CAMKMT: variants seen among roughly 807,000 people sequenced by gnomAD.
CAMKMT encodes the protein calmodulin-lysine N-methyltransferase.
In CAMKMT, 53 loss-of-function variants were observed where a neutral mutation model predicts 48.0. The ratio of observed to expected loss-of-function variants is 1.10; its 90% CI spans 0.89 to 1.39. CAMKMT has a LOEUF of 1.39. Ranked by LOEUF, CAMKMT falls within the 40% of genes most tolerant of loss-of-function variation. CAMKMT has a pLI of 0.00. For synonymous variants in CAMKMT, 165 were observed against 152.3 expected (o/e 1.08, Z -0.61); for missense variants, 428 against 402.7 (o/e 1.06, Z -0.54).
chr2:44,585,533 A>C (rs184613863), intron 3 of CAMKMT, among the ~76,000 whole-genome samples: 2 of 152,318 alleles, frequency 1.3e-5, no homozygotes, highest in East Asian at 3.9e-4. Flanking sequence ...ACATATCCAA[A>C]TGCTGGAGTT....
intron 7 of CAMKMT, among the ~76,000 whole-genome samples, chr2:44,742,576 A>G (rs996459984): frequency 6.6e-6 from 1 of 152,202 alleles, no homozygotes; most frequent in African/African-American, 2.4e-5. Context: ...GGACAAGTCA[A>G]TGAACAACTG....
At chr2:44,636,042 T>G (rs1001096482) in intron 3 of CAMKMT, among the ~76,000 whole-genome samples, 1 of 152,248 alleles carries the variant, frequency 6.6e-6, no homozygotes, top group Non-Finnish European at 1.5e-5. Flanking sequence ...AGAAGTTGAT[T>G]TGTATAAGGC....
intron 7 of CAMKMT, among the ~76,000 whole-genome samples, chr2:44,734,464 G>A (rs1284208662): frequency 6.6e-6 from 1 of 151,736 alleles, no homozygotes; most frequent in Non-Finnish European, 1.5e-5. Context: ...GCCCAGGCTG[G>A]AGTGCAATGG....
intron 3 of CAMKMT, among the ~76,000 whole-genome samples, chr2:44,580,524 G>A (rs1435694917): frequency 6.6e-6 from 1 of 152,116 alleles, no homozygotes; most frequent in Non-Finnish European, 1.5e-5. Flanking sequence ...CATGACTTTT[G>A]TAAGATGTGA....
intron 8 of CAMKMT, among the ~76,000 whole-genome samples, chr2:44,744,366 C>T (rs940171390): frequency 6.6e-6 from 1 of 152,136 alleles, no homozygotes; most frequent in East Asian, 1.9e-4. Flanking sequence ...TTAGCCCAAT[C>T]TACTTATTTG....
At chr2:44,583,005 C>T (rs982593981) in intron 3 of CAMKMT, among the ~76,000 whole-genome samples, 4 of 151,960 alleles carry the variant, frequency 2.6e-5, no homozygotes, top group African/African-American at 9.7e-5. Context: ...TTTGGAAATT[C>T]GAATTGTTCT....
intron 9 of CAMKMT, among the ~76,000 whole-genome samples, chr2:44,758,592 A>G (rs1176562292): frequency 6.6e-6 from 1 of 152,230 alleles, no homozygotes; most frequent in Non-Finnish European, 1.5e-5. Flanking sequence ...AAACAATAGA[A>G]TAGGCATGAA....
At chr2:44,713,090 C>T (rs1423439704) in intron 6 of CAMKMT, among the ~76,000 whole-genome samples, 1 of 152,052 alleles carries the variant, frequency 6.6e-6, no homozygotes, top group Non-Finnish European at 1.5e-5. Flanking sequence ...AAAATTGCTT[C>T]TAGAATATAA....
chr2:44,766,170 A>G (rs1351620563), intron 9 of CAMKMT, among the ~76,000 whole-genome samples: 4 of 152,210 alleles, frequency 2.6e-5, no homozygotes, highest in African/African-American at 9.6e-5. Flanking sequence ...CCGGCTTTCA[A>G]CCACATTTTG....
chr2:44,407,790 G>A (rs1682884706), intron 3 of CAMKMT, among the ~76,000 whole-genome samples: 1 of 152,114 alleles, frequency 6.6e-6, no homozygotes, highest in South Asian at 2.1e-4. Flanking sequence ...GCAATTTGAT[G>A]TGAAAGTATT....
At chr2:44,710,817 A>G (rs990184036) in intron 6 of CAMKMT, among the ~76,000 whole-genome samples, 1 of 152,164 alleles carries the variant, frequency 6.6e-6, no homozygotes, top group Non-Finnish European at 1.5e-5. Context: ...AAGGTGAGCA[A>G]CCCTCTCTGG....
chr2:44,721,847 A>AGAGGG (rs922642823), intron 7 of CAMKMT, among the ~76,000 whole-genome samples: 3 of 126,404 alleles, frequency 2.4e-5, no homozygotes, highest in Non-Finnish European at 4.9e-5. Context: ...AGAGGAGAGG[A>AGAGGG]GAGGGGAGGG....
rs1464484329 is a variant in CAMKMT, at chr2:44,589,887, AAAAAAAAAG to A, written c.377-114387_377-114379del. Among the ~76,000 whole-genome samples the A allele has an allele frequency of 2.7e-4, 22 of 82,162 alleles. 3 individuals are homozygous for A. Among genetic ancestry groups the A allele is most frequent in the South Asian group, 1.5e-3 (4 of 2,622 alleles). The allele number at this position is 82,162 out of a possible 152,430, so 53.9% of individuals were successfully genotyped here. On this transcript the variant is annotated intron_variant, in intron 3 of 10. Transcript: ENST00000378494. ...GAAACACCCAAGAATGATCAATAAAAAAAAAAAAGAAAAAAAAAAAAGAACGAAAAAAAA... is the reference window on the plus strand; with the variant it reads ...GAAACACCCAAGAATGATCAATAAAAAAAAAAAAAAAAGAACGAAAAAAAA...
chr2:44,552,952 T>C (rs1445023472), intron 3 of CAMKMT, among the ~76,000 whole-genome samples: 1 of 152,096 alleles, frequency 6.6e-6, no homozygotes, highest in Non-Finnish European at 1.5e-5. Context: ...AGGAAGGGAA[T>C]AGGATAATTG....
At chr2:44,770,760 C>A (rs1374267011) in intron 10 of CAMKMT, among the ~76,000 whole-genome samples, 1 of 152,160 alleles carries the variant, frequency 6.6e-6, no homozygotes, top group Non-Finnish European at 1.5e-5. Flanking sequence ...GTTGGAGGAC[C>A]TGTGTTTAGG....
intron 3 of CAMKMT, among the ~76,000 whole-genome samples, chr2:44,403,025 A>G (rs149130582): frequency 0.011 from 1,711 of 149,282 alleles, 32 homozygotes; most frequent in African/African-American, 0.04. Flanking sequence ...CTTTCATTAC[A>G]TTTCTGATGA....
chr2:44,434,817 A>G (rs78233075), intron 3 of CAMKMT, among the ~76,000 whole-genome samples: 8,334 of 152,306 alleles, frequency 0.055, 280 homozygotes, highest in South Asian at 0.13. Context: ...TTCCAACAAA[A>G]AATGGCAGAA....
chr2:44,526,755 G>A (rs1414011836), intron 3 of CAMKMT, among the ~76,000 whole-genome samples: 1 of 152,092 alleles, frequency 6.6e-6, no homozygotes, highest in East Asian at 1.9e-4. Flanking sequence ...ACCTTTTCTG[G>A]AGGGTTCCCA....
rs1048698259 is a variant in CAMKMT, at chr2:44,743,538, C to A, written c.624-84C>A. The A allele has an allele frequency of 9.7e-5, 87 of 900,334 alleles. No homozygotes were observed. In the African/African-American group the frequency reaches 1.2e-3, roughly 13 times the overall value. 55.8% of individuals were successfully genotyped at this position (900,334 alleles called of 1,614,324 possible). On this transcript the variant is annotated intron_variant, in intron 7 of 10. Coordinates refer to ENST00000378494, the MANE Select transcript of CAMKMT (RefSeq NM_024766.5). ...TATACCTTTTAAATAATTTCAAGTG[C>A]CACAAAAAAATAATGTTAATAGCTC...
Sources: allele counts gnomAD v4.1 joint callset (sites outside exome capture counted in the v4.1 genomes callset), GRCh38; gene constraint gnomAD v4.1.1; transcripts MANE v1.5; gene names NCBI Gene and HGNC (gene_info 2026-07-23, HGNC 2026-07-21).